TBCD: variants seen among roughly 807,000 people sequenced by gnomAD.
The protein encoded by TBCD is tubulin-specific chaperone D.
A neutral mutation model predicts 169.3 loss-of-function variants in TBCD; 105 were observed. The ratio of observed to expected loss-of-function variants is 0.62; its 90% CI spans 0.53 to 0.73. The LOEUF (loss-of-function observed/expected upper bound fraction) is 0.73, where lower values mean the gene tolerates loss of function less well. Among genes scored for constraint, TBCD ranks in the 30% least tolerant of loss-of-function variants. TBCD has a pLI of 0.00. For synonymous variants in TBCD, 700 were observed against 643.9 expected (o/e 1.09, Z -1.32); for missense variants, 1,444 against 1,600.1 (o/e 0.90, Z 1.66).
chr17:82,839,053 T>G, intron 13 of TBCD: 1 of 880,038 alleles, frequency 1.1e-6, no homozygotes, highest in Non-Finnish European at 1.4e-6. Flanking sequence ...ACAGAAGACC[T>G]TAACAACCAA....
intron 6 of TBCD, among the ~76,000 whole-genome samples, chr17:82,780,993 G>C (rs1229310416): frequency 3.3e-5 from 5 of 152,024 alleles, no homozygotes; most frequent in Non-Finnish European, 5.9e-5. Context: ...GGTGTCCTGC[G>C]CTGAGGCCGG....
intron 5 of TBCD, among the ~76,000 whole-genome samples, chr17:82,769,050 T>A (rs539658463): frequency 2.8e-4 from 42 of 152,252 alleles, no homozygotes; most frequent in Non-Finnish European, 5.7e-4. Context: ...GTATTAGTTA[T>A]CTATTGGATC....
chr17:82,932,470 G>A (rs1419682783), intron 33 of TBCD, among the ~76,000 whole-genome samples, 188 bp from the exon 34 acceptor site: 1 of 152,234 alleles, frequency 6.6e-6, no homozygotes, highest in African/African-American at 2.4e-5. Context: ...TCGAAGTTCA[G>A]CGTCAGCCTC....
At chr17:82,799,714 C>T (rs1332457369) in intron 8 of TBCD, among the ~76,000 whole-genome samples, 4 of 152,156 alleles carry the variant, frequency 2.6e-5, no homozygotes, top group East Asian at 3.9e-4. Flanking sequence ...TCACCACACC[C>T]GAGAACGCGA....
chr17:82,787,007 T>G (rs866813118), intron 7 of TBCD, among the ~76,000 whole-genome samples: 9 of 152,262 alleles, frequency 5.9e-5, no homozygotes, highest in Middle Eastern at 3.4e-3. Flanking sequence ...TGGGAATTCC[T>G]GTAGCAAAGT....
In TBCD at chr17:82,831,813, A is replaced by G. The variant is rs1167322517; in HGVS notation, c.1318+16879A>G. The G allele has an allele frequency of 1.2e-6, 2 of 1,614,130 alleles. No individual in the cohort carries two copies. The highest frequency in any genetic ancestry group is 1.7e-6 in the Non-Finnish European group (2 of 1,180,022). On this transcript the variant is annotated intron_variant, in intron 13 of 38. Coordinates refer to ENST00000355528, the MANE Select transcript of TBCD (RefSeq NM_005993.5). This position sits in a 1 kb window ranked among gnomAD's most constrained non-coding sequence, Gnocchi z 4.6. ...AGATTTTATGTGGAAACTCTGGTGG[A>G]AGGAAAGGTGAGCCGGCTTTCCAGG...
intron 13 of TBCD, among the ~76,000 whole-genome samples, chr17:82,839,640 A>T (rs1009704153): frequency 1.3e-5 from 2 of 152,226 alleles, no homozygotes; most frequent in Admixed American, 6.5e-5. Context: ...AAGCAATAAT[A>T]TGAATTTGTG....
At chr17:82,811,255 T>A (rs889410488) in intron 12 of TBCD, among the ~76,000 whole-genome samples, 9 of 152,222 alleles carry the variant, frequency 5.9e-5, no homozygotes, top group Non-Finnish European at 7.3e-5. Context: ...GTCTGGACTT[T>A]GCCTCTCTCC....
At position 82,893,528 on chromosome 17, in the gene TBCD, A is replaced by G. The variant is rs764831304; in HGVS notation, c.1564-19A>G. On this transcript the variant is annotated intron_variant, in intron 16 of 38. Coordinates refer to ENST00000355528, the MANE Select transcript of TBCD (RefSeq NM_005993.5). ...TCATTCAAATTCTTCTTTTTCCCCC[A>G]TTTCCACTTTCTTATTAGGGCACTT... is the stretch of plus-strand genomic sequence containing the variant. 1 of 1,576,746 alleles carries G rather than the reference A, an allele frequency of 6.3e-7. No individual in the cohort carries two copies. Among genetic ancestry groups the G allele is most frequent in the Admixed American group, 1.8e-5 (1 of 55,100 alleles).
chr17:82,888,175 C>T (rs140959254), intron 15 of TBCD, among the ~76,000 whole-genome samples: 5 of 152,344 alleles, frequency 3.3e-5, no homozygotes, highest in East Asian at 3.9e-4. Context: ...AACTCCACCT[C>T]GCCCGGTCCC....
intron 13 of TBCD, among the ~76,000 whole-genome samples, chr17:82,837,166 G>T (rs2145376097): frequency 6.6e-6 from 1 of 152,328 alleles, no homozygotes; most frequent in South Asian, 2.1e-4. Context: ...GCTTTGGTAA[G>T]CTTTCAAATG....
chr17:82,767,269 C>T (rs1441464945), intron 4 of TBCD, among the ~76,000 whole-genome samples: 1 of 152,172 alleles, frequency 6.6e-6, no homozygotes, highest in Non-Finnish European at 1.5e-5. Context: ...GTGGATGTGA[C>T]TGATGAGCGC....
rs113307695 is a variant in TBCD at position 82,787,293 on chromosome 17, C to T, written c.771+5572C>T. Reference sequence around the variant, plus strand: ...TCAGCAAGAGTGAGCAATTGTCTGACGCAGCCGGCTGAAATCCCTGGGAAG... The same window carrying T: ...TCAGCAAGAGTGAGCAATTGTCTGATGCAGCCGGCTGAAATCCCTGGGAAG... On this transcript the variant is annotated intron_variant, in intron 7 of 38. Transcript: ENST00000355528. Among the ~76,000 whole-genome samples the T allele has an allele frequency of 1.5e-3, 223 of 152,356 alleles. 2 individuals carry two copies. Among genetic ancestry groups the T allele is most frequent in the African/African-American group, 5.0e-3 (209 of 41,584 alleles).
chr17:82,801,176 G>C (rs1465916369), intron 9 of TBCD, among the ~76,000 whole-genome samples, 180 bp downstream of exon 9: 1 of 152,046 alleles, frequency 6.6e-6, no homozygotes, highest in Non-Finnish European at 1.5e-5. Flanking sequence ...CAGGCGCCTT[G>C]GTTCTGGACA....
Position 82,874,555 on chromosome 17 carries a change from C to T in TBCD, c.1475+4175C>T, listed in dbSNP as rs1294496284. ...CCTCGCCCCTTTACCTGTGCCATCCCGGCCGCAGACCCAAGGGTGCCCTTG... is the reference window on the plus strand; with the variant it reads ...CCTCGCCCCTTTACCTGTGCCATCCTGGCCGCAGACCCAAGGGTGCCCTTG... On this transcript the variant is annotated intron_variant, in intron 14 of 38. Transcript: ENST00000355528. This position sits in a 1 kb window ranked among gnomAD's most constrained non-coding sequence, Gnocchi z 5.0. 1.3e-5 allele frequency among the ~76,000 whole-genome samples: 2 copies of T among 152,182 alleles called. No homozygotes were observed. The highest frequency in any genetic ancestry group is 6.5e-5 in the Admixed American group (1 of 15,282).
intron 13 of TBCD, among the ~76,000 whole-genome samples, chr17:82,854,485 ATCC>A (rs1468158862): frequency 6.6e-6 from 1 of 152,256 alleles, no homozygotes; most frequent in Non-Finnish European, 1.5e-5. Context: ...GTGTTTGCGT[ATCC>A]TCTGCTCTGT....
intron 22 of TBCD, among the ~76,000 whole-genome samples, chr17:82,909,647 C>T (rs1158744567): frequency 6.8e-6 from 1 of 147,606 alleles, no homozygotes; most frequent in Non-Finnish European, 1.5e-5. Context: ...TCACCCGGCC[C>T]GCTGTGGGAG....
intron 13 of TBCD, among the ~76,000 whole-genome samples, chr17:82,840,875 C>T (rs1202887107): frequency 1.3e-5 from 2 of 149,646 alleles, no homozygotes; most frequent in African/African-American, 2.5e-5. Flanking sequence ...GGTGTCAGGC[C>T]CTTGGATGAG....
chr17:82,928,279 G>C (rs1038493306), intron 30 of TBCD, among the ~76,000 whole-genome samples: 1 of 152,334 alleles, frequency 6.6e-6, no homozygotes, highest in South Asian at 2.1e-4. Flanking sequence ...ATGACAGCCA[G>C]CTTCCCGGGG....
Sources: allele counts gnomAD v4.1 joint callset (sites outside exome capture counted in the v4.1 genomes callset), GRCh38; gene constraint gnomAD v4.1.1; non-coding constraint Gnocchi (gnomAD v3.1); transcripts MANE v1.5; gene names NCBI Gene and HGNC (gene_info 2026-07-23, HGNC 2026-07-21).